SORCS1: variants seen among roughly 807,000 people sequenced by gnomAD.
The protein encoded by SORCS1 is VPS10 domain-containing receptor SorCS1.
In SORCS1, 60 loss-of-function variants were observed where a neutral mutation model predicts 146.1. The observed-to-expected ratio is 0.41, with a 90% confidence interval of 0.33 to 0.51. The LOEUF is 0.51. Ranked by LOEUF, SORCS1 falls within the 20% of genes least tolerant of loss-of-function variation. The pLI is 0.21. For synonymous variants in SORCS1, 637 were observed against 584.0 expected (o/e 1.09, Z -1.31); for missense variants, 1,352 against 1,487.6 (o/e 0.91, Z 1.50).
In SORCS1 at chr10:106,666,098, C is replaced by A. The variant is rs147457040; in HGVS notation, c.2303+1591G>T. Among the ~76,000 whole-genome samples, 468 of 152,308 alleles carry A rather than the reference C, an allele frequency of 3.1e-3. 2 individuals are homozygous for A. The highest frequency in any genetic ancestry group is 0.011 in the African/African-American group (442 of 41,568). ...CTTGTGATCCGCCCACCTCACCCTC[C>A]CGAAATGCTGAGATTACAGGCGTGA... On this transcript the variant is annotated intron_variant, in intron 17 of 25. Transcript: ENST00000263054.
chr10:106,901,430 T>C (rs1042547780), intron 2 of SORCS1, among the ~76,000 whole-genome samples: 2 of 152,080 alleles, frequency 1.3e-5, no homozygotes, highest in African/African-American at 2.4e-5. Flanking sequence ...GGTATGCAGT[T>C]TTTTGGTTTT....
upstream of SORCS1, among the ~76,000 whole-genome samples, chr10:107,164,890 G>A (rs1352927177): frequency 6.8e-6 from 1 of 147,780 alleles, no homozygotes; most frequent in African/African-American, 2.4e-5. The surrounding 1 kb of genome is among the most constrained non-coding windows in gnomAD (Gnocchi z 6.8). Context: ...GGGCGCTGGA[G>A]GCGCCGCCGG....
intron 3 of SORCS1, among the ~76,000 whole-genome samples, chr10:106,806,991 G>A (rs1275939469): frequency 6.6e-6 from 1 of 151,932 alleles, no homozygotes; most frequent in Non-Finnish European, 1.5e-5. Flanking sequence ...TAAAGGCATG[G>A]GGAAAAAAAG....
At chr10:106,934,115 A>AG (rs916843813) in intron 2 of SORCS1, among the ~76,000 whole-genome samples, 3 of 151,662 alleles carry the variant, frequency 2.0e-5, no homozygotes, top group African/African-American at 7.3e-5. Context: ...AAAAAAAAAA[A>AG]AAAGAAAGAA....
rs200815667 is a variant in SORCS1 at position 106,657,693 on chromosome 10, T to A, written c.2304-5140A>T. Among the ~76,000 whole-genome samples the A allele has an allele frequency of 7.6e-4, 100 of 131,032 alleles. 1 individual carries two copies. The East Asian group carries it at 7.7e-3, about 10-fold the overall frequency. The allele number at this position is 131,032 out of a possible 152,430, so 86.0% of individuals were successfully genotyped here. On this transcript the variant is annotated intron_variant, in intron 17 of 25. Transcript: ENST00000263054. ...TGTGTGTGTGTGTGTGTGTGTGTAT[T>A]TTTTTCAAGAAAATAAATAAACACT...
chr10:106,712,456 T>G lies in SORCS1; in HGVS notation c.1025-3115A>C, dbSNP rs181099674. ...GAACTCGGATAAAACAAATGTAACT[T>G]TCTCAAGTTTGAAGACTGGAAGGAT... On this transcript the variant is annotated intron_variant, in intron 6 of 25. Coordinates refer to ENST00000263054, the MANE Select transcript of SORCS1 (RefSeq NM_052918.5). 5.3e-5 allele frequency among the ~76,000 whole-genome samples: 8 copies of G among 152,280 alleles called. No homozygotes were observed. The East Asian group carries it at 7.7e-4, about 15-fold the overall frequency.
chr10:106,585,962 T>C (rs1413421634), intron 24 of SORCS1, among the ~76,000 whole-genome samples: 1 of 152,100 alleles, frequency 6.6e-6, no homozygotes, highest in Non-Finnish European at 1.5e-5. Flanking sequence ...CAACAACCCA[T>C]AGCTGATTGC....
intron 2 of SORCS1, among the ~76,000 whole-genome samples, chr10:106,870,141 T>C (rs1428197765): frequency 2.0e-5 from 3 of 152,088 alleles, no homozygotes; most frequent in Non-Finnish European, 2.9e-5. Flanking sequence ...ACCAAGGTGG[T>C]GAAATATTTC....
chr10:106,983,126 C>A (rs895060318), intron 1 of SORCS1, among the ~76,000 whole-genome samples: 3 of 146,160 alleles, frequency 2.1e-5, no homozygotes, highest in African/African-American at 7.5e-5. Flanking sequence ...ATATATATTT[C>A]TATAAATATA....
intron 18 of SORCS1, among the ~76,000 whole-genome samples, chr10:106,639,544 T>C (rs1848931748): frequency 1.3e-5 from 2 of 152,176 alleles, no homozygotes; most frequent in South Asian, 4.1e-4. Context: ...CTTCAGACAT[T>C]AGGCTTCCGG....
intron 5 of SORCS1, among the ~76,000 whole-genome samples, chr10:106,738,633 C>A (rs1451170656): frequency 6.6e-6 from 1 of 152,218 alleles, no homozygotes; most frequent in Non-Finnish European, 1.5e-5. Flanking sequence ...CTCTCCACTT[C>A]TCCTCTCTTT....
chr10:106,864,628 G>C (rs191145526), intron 2 of SORCS1, among the ~76,000 whole-genome samples: 1 of 152,230 alleles, frequency 6.6e-6, no homozygotes, highest in Non-Finnish European at 1.5e-5. Flanking sequence ...TTCATCTTCA[G>C]GCCCTACTCC....
intron 1 of SORCS1, among the ~76,000 whole-genome samples, chr10:107,092,057 T>G (rs1292053554): frequency 6.6e-6 from 1 of 152,212 alleles, no homozygotes; most frequent in African/African-American, 2.4e-5. Context: ...TTTAAGAATA[T>G]TGAAAGTTGA....
intron 1 of SORCS1, among the ~76,000 whole-genome samples, chr10:107,047,818 C>A (rs1297921426): frequency 2.0e-5 from 3 of 152,108 alleles, no homozygotes; most frequent in African/African-American, 7.2e-5. Context: ...CGTTGGCTCA[C>A]ACCTATAATC....
chr10:106,778,378 C>A (rs747151983), intron 3 of SORCS1, among the ~76,000 whole-genome samples: 4 of 152,090 alleles, frequency 2.6e-5, no homozygotes, highest in Non-Finnish European at 5.9e-5. Context: ...TGCCCACCAA[C>A]CATAAATTCT....
At chr10:106,842,610 G>C (rs1949101626) in intron 2 of SORCS1, among the ~76,000 whole-genome samples, 1 of 151,712 alleles carries the variant, frequency 6.6e-6, no homozygotes. Flanking sequence ...TCTTAATGTT[G>C]AGTTTTCTCT....
chr10:107,107,358 T>C (rs1411335999), intron 1 of SORCS1, among the ~76,000 whole-genome samples: 2 of 152,234 alleles, frequency 1.3e-5, no homozygotes, highest in Non-Finnish European at 2.9e-5. Flanking sequence ...AGGAACATAT[T>C]ACTAGACAGT....
chr10:107,114,792 A>T (rs1315037297), intron 1 of SORCS1, among the ~76,000 whole-genome samples: 1 of 152,148 alleles, frequency 6.6e-6, no homozygotes, highest in Non-Finnish European at 1.5e-5. Flanking sequence ...ATGCATCCAA[A>T]TTGGAAATGA....
At chr10:106,784,307 A>C (rs760144577) in intron 3 of SORCS1, among the ~76,000 whole-genome samples, 1 of 151,892 alleles carries the variant, frequency 6.6e-6, no homozygotes, top group Non-Finnish European at 1.5e-5. Context: ...AGGCAGGAGA[A>C]TGGCATGAAC....
Sources: allele counts gnomAD v4.1 joint callset (sites outside exome capture counted in the v4.1 genomes callset), GRCh38; gene constraint gnomAD v4.1.1; non-coding constraint Gnocchi (gnomAD v3.1); transcripts MANE v1.5; gene names NCBI Gene and HGNC (gene_info 2026-07-23, HGNC 2026-07-21).